Variants in AGPAT3 observed in about 807,000 individuals in gnomAD.
The protein encoded by AGPAT3 is 1-acylglycerol-3-phosphate O-acyltransferase 3.
A neutral mutation model predicts 47.3 loss-of-function variants in AGPAT3; 5 were observed. That is an observed-to-expected ratio of 0.11 (90% confidence interval 0.06 to 0.22). The LOEUF (loss-of-function observed/expected upper bound fraction) is 0.22, where lower values mean the gene tolerates loss of function less well. Ranked by LOEUF, AGPAT3 falls within the 10% of genes least tolerant of loss-of-function variation. AGPAT3 has a pLI of 1.00. For missense variants in AGPAT3, 315 were observed against 493.0 expected, an observed-to-expected ratio of 0.64 and a Z score of 3.42; for synonymous variants, 212 against 208.3, an observed-to-expected ratio of 1.02 and a Z score of -0.15.
intron 3 of AGPAT3, among the ~76,000 whole-genome samples, chr21:43,963,785 G>C (rs1274814189): frequency 6.6e-6 from 1 of 151,898 alleles, no homozygotes; most frequent in Admixed American, 6.6e-5. Flanking sequence ...ACGCTGGATG[G>C]TCAGCAGTGA....
At chr21:43,976,641 A>C (rs758778510) in intron 7 of AGPAT3, among the ~76,000 whole-genome samples, 2 of 152,240 alleles carry the variant, frequency 1.3e-5, no homozygotes, top group Non-Finnish European at 2.9e-5. Flanking sequence ...TTTTGTTCTT[A>C]TATCAGTGTT....
Position 43,873,385 on chromosome 21 carries a change from G to A in AGPAT3, c.-112+8040G>A, listed in dbSNP as rs559493724. ...ACCTGACTTCATCAAGGTAAAGCAC[G>A]CGCACCAGCAAAACCCATGTGCCCT... is the stretch of plus-strand genomic sequence containing the variant. On this transcript the variant is annotated intron_variant, in intron 1 of 9. Coordinates refer to ENST00000291572, the MANE Select transcript of AGPAT3 (RefSeq NM_020132.5). Among the ~76,000 whole-genome samples, 263 of 152,282 alleles carry A rather than the reference G, an allele frequency of 1.7e-3. 1 individual carries two copies. The highest frequency in any genetic ancestry group is 5.4e-3 in the African/African-American group (224 of 41,558).
intron 1 of AGPAT3, among the ~76,000 whole-genome samples, chr21:43,887,286 T>C (rs2086000714): frequency 6.6e-6 from 1 of 152,198 alleles, no homozygotes; most frequent in Admixed American, 6.5e-5. Flanking sequence ...GTCGCCACCC[T>C]CTGTTCTGGA....
intron 3 of AGPAT3, chr21:43,966,724 T>C (rs2089146254): frequency 6.6e-6 from 1 of 152,218 alleles, no homozygotes; most frequent in African/African-American, 2.4e-5. Flanking sequence ...TCTAGTGTCC[T>C]TTATAAATAA....
chr21:43,883,113 T>G (rs191302861), intron 1 of AGPAT3, among the ~76,000 whole-genome samples: 18 of 152,288 alleles, frequency 1.2e-4, no homozygotes, highest in African/African-American at 4.3e-4. Flanking sequence ...ACACACAGAG[T>G]TGCTCCTTCC....
chr21:43,905,262 T>C (rs1022262638), intron 2 of AGPAT3, among the ~76,000 whole-genome samples: 4 of 151,974 alleles, frequency 2.6e-5, no homozygotes, highest in Non-Finnish European at 5.9e-5. Context: ...CGATCTCGGC[T>C]CACTGCAACC....
intron 2 of AGPAT3, among the ~76,000 whole-genome samples, chr21:43,928,537 C>T (rs1016603546): frequency 8.5e-5 from 13 of 152,228 alleles, no homozygotes; most frequent in African/African-American, 3.1e-4. Flanking sequence ...CCGTAGGCTG[C>T]AGTGATCCAT....
intron 2 of AGPAT3, among the ~76,000 whole-genome samples, chr21:43,929,335 C>G (rs1419546646): frequency 6.6e-6 from 1 of 152,214 alleles, no homozygotes; most frequent in Non-Finnish European, 1.5e-5. Context: ...AACCCGCGCC[C>G]TGTCCCCATG....
At chr21:43,974,566 A>G (rs913796831) in intron 7 of AGPAT3, among the ~76,000 whole-genome samples, 1 of 148,586 alleles carries the variant, frequency 6.7e-6, no homozygotes, top group East Asian at 2.0e-4. Flanking sequence ...GTGTGTGTGT[A>G]GTGTGTGTAT....
At chr21:43,888,386 G>A (rs920970633) in intron 1 of AGPAT3, among the ~76,000 whole-genome samples, 1 of 84,804 alleles carries the variant, frequency 1.2e-5, no homozygotes, top group African/African-American at 5.6e-5. Context: ...ACCTGGAATT[G>A]TTTTTGTGTA....
intron 2 of AGPAT3, among the ~76,000 whole-genome samples, chr21:43,936,504 C>T (rs2087453476): frequency 6.6e-6 from 1 of 152,248 alleles, no homozygotes; most frequent in African/African-American, 2.4e-5. Flanking sequence ...TAGTTGTCTC[C>T]TCATGTACAA....
chr21:43,868,932 A>G (rs917373995), intron 1 of AGPAT3, among the ~76,000 whole-genome samples: 5 of 152,346 alleles, frequency 3.3e-5, no homozygotes, highest in South Asian at 2.1e-4. Flanking sequence ...CAAAGGTCCA[A>G]TAGAATCCAA....
At chr21:43,904,100 G>GTGTGTGTA (rs2086428110) in intron 2 of AGPAT3, 81 bp downstream of exon 2, 1 of 144,448 alleles carries the variant, frequency 6.9e-6, no homozygotes. Flanking sequence ...GTGTGTGTGT[G>GTGTGTGTA]TGTATGTGTC....
rs1371379534 is a variant in AGPAT3, at chr21:43,983,528, G to C, written c.*1136G>C. On this transcript the variant is annotated 3_prime_UTR_variant, in exon 10 of 10. Coordinates refer to ENST00000291572, the MANE Select transcript of AGPAT3 (RefSeq NM_020132.5). ...CACTGTGGCCCGGCCACCCCTGAGC[G>C]CCCAGCTCCCTACCTCCTGGACGTC... The C allele has an allele frequency of 6.6e-6, 1 of 152,236 alleles. No individual in the cohort carries two copies. Among genetic ancestry groups the C allele is most frequent in the African/African-American group, 2.4e-5 (1 of 41,438 alleles). 9.4% of individuals were successfully genotyped at this position (152,236 alleles called of 1,614,324 possible).
At chr21:43,918,376 T>G (rs923512350) in intron 2 of AGPAT3, among the ~76,000 whole-genome samples, 1 of 152,016 alleles carries the variant, frequency 6.6e-6, no homozygotes, top group Non-Finnish European at 1.5e-5. Flanking sequence ...CATGGTTAGG[T>G]GAGCTTGCCC....
intron 2 of AGPAT3, among the ~76,000 whole-genome samples, chr21:43,959,083 G>GTGTGTGTGGCATGTGTGTGGTTTGCT (rs1555909856): frequency 4.0e-5 from 2 of 50,282 alleles, no homozygotes; most frequent in Non-Finnish European, 8.9e-5. Flanking sequence ...TGTGGTTTGT[G>GTGTGTGTGGCATGTGTGTGGTTTGCT]GTGTGTGTGT....
chr21:43,865,492 G>T (rs1349650880), intron 1 of AGPAT3, 147 bp downstream of exon 1: 1 of 147,212 alleles, frequency 6.8e-6, no homozygotes, highest in African/African-American at 2.4e-5. Flanking sequence ...CGCCGCAATG[G>T]GCCGGCCGCG....
In AGPAT3 at chr21:43,933,769, G is replaced by A. The variant is rs1467160624; in HGVS notation, c.-48-25865G>A. On this transcript the variant is annotated intron_variant, in intron 2 of 9. Coordinates refer to ENST00000291572, the MANE Select transcript of AGPAT3 (RefSeq NM_020132.5). The surrounding 1 kb of genome is among the most constrained non-coding windows in gnomAD (Gnocchi z 6.0). ...ATACCAGATGCCCAGAGGCCCCGGCGGCCTCCATCCAAGCACAGGCCCAAG... is the reference window on the plus strand; with the variant it reads ...ATACCAGATGCCCAGAGGCCCCGGCAGCCTCCATCCAAGCACAGGCCCAAG... 2.0e-5 allele frequency among the ~76,000 whole-genome samples: 3 copies of A among 151,970 alleles called. No homozygotes were observed. Among genetic ancestry groups the A allele is most frequent in the East Asian group, 1.9e-4 (1 of 5,188 alleles).
At chr21:43,867,136 T>C (rs2085526179) in intron 1 of AGPAT3, 2 of 152,284 alleles carry the variant, frequency 1.3e-5, no homozygotes, top group African/African-American at 4.8e-5. Flanking sequence ...GTCCCTGCCG[T>C]AGACACGTGA....
Sources: allele counts gnomAD v4.1 joint callset (sites outside exome capture counted in the v4.1 genomes callset), GRCh38; gene constraint gnomAD v4.1.1; non-coding constraint Gnocchi (gnomAD v3.1); transcripts MANE v1.5; gene names NCBI Gene and HGNC (gene_info 2026-07-23, HGNC 2026-07-21).